PLS1: variants seen among roughly 807,000 people sequenced by gnomAD.
The protein encoded by PLS1 is plastin 1.
In PLS1, 32 loss-of-function variants were observed where a neutral mutation model predicts 73.7. That is an observed-to-expected ratio of 0.43 (90% CI 0.33 to 0.58). PLS1 has a LOEUF of 0.58. PLS1 is among the 20% of genes least tolerant of loss of function. The pLI is 0.04. For synonymous variants in PLS1, 217 were observed against 261.3 expected (o/e 0.83, Z 1.63); for missense variants, 633 against 740.5 (o/e 0.85, Z 1.68).
At chr3:142,697,438 CT>C (rs1436523140) in intron 11 of PLS1, among the ~76,000 whole-genome samples, 1 of 152,154 alleles carries the variant, frequency 6.6e-6, no homozygotes, top group Admixed American at 6.5e-5. Flanking sequence ...TCATACTCCC[CT>C]TTTCCTGACC....
At chr3:142,602,671 T>G (rs995019256) in intron 1 of PLS1, among the ~76,000 whole-genome samples, 4 of 151,708 alleles carry the variant, frequency 2.6e-5, no homozygotes, top group African/African-American at 7.3e-5. Context: ...TTGATGAACC[T>G]AATTACATAG....
chr3:142,678,447 A>G (rs2037771452), intron 6 of PLS1, among the ~76,000 whole-genome samples: 1 of 113,238 alleles, frequency 8.8e-6, no homozygotes, highest in Non-Finnish European at 1.7e-5. Context: ...AACAGTCCCC[A>G]GAGTGTGATG....
chr3:142,668,671 G>A (rs6774628), intron 2 of PLS1, among the ~76,000 whole-genome samples: 34 of 150,798 alleles, frequency 2.3e-4, no homozygotes, highest in African/African-American at 6.1e-4. Context: ...GCGCAATCTC[G>A]GCTCACTGCA....
Position 142,637,402 on chromosome 3 carries a change from A to G in PLS1, c.-36-26800A>G, listed in dbSNP as rs537914848. 3.3e-5 allele frequency among the ~76,000 whole-genome samples: 5 copies of G among 152,312 alleles called. No individual in the cohort carries two copies. The South Asian group carries it at 8.3e-4, about 25-fold the overall frequency. The stretch of plus-strand genomic sequence containing the variant: ...AGGAGGACGGGAAGGAGGGATTACC[A>G]AGGAGCATGAGGAATATTATAGGAA... On this transcript the variant is annotated intron_variant, in intron 1 of 15. Coordinates refer to ENST00000457734, the MANE Select transcript of PLS1 (RefSeq NM_001145319.2).
At chr3:142,673,699 A>G (rs2037659143) in intron 4 of PLS1, 1 of 152,568 alleles carries the variant, frequency 6.6e-6, no homozygotes, top group South Asian at 2.1e-4. Context: ...TTCCTCCCTC[A>G]GTGCTCCATG....
At chr3:142,643,197 A>G (rs1454860994) in intron 1 of PLS1, among the ~76,000 whole-genome samples, 1 of 152,158 alleles carries the variant, frequency 6.6e-6, no homozygotes, top group Non-Finnish European at 1.5e-5. Flanking sequence ...GGAGAAGGGG[A>G]GACTGGAGCC....
In PLS1 at chr3:142,713,164, C is replaced by T. The variant is rs1015475250; in HGVS notation, c.*1157C>T. The T allele has an allele frequency of 2.6e-5, 4 of 152,538 alleles. No individual in the cohort carries two copies. The highest frequency in any genetic ancestry group is 6.5e-5 in the Admixed American group (1 of 15,270). 9.4% of individuals were successfully genotyped at this position (152,538 alleles called of 1,614,324 possible). A position where few individuals can be genotyped will look rare whatever the true frequency, so the allele number is the denominator to read the frequency against. ...GTTAATGTTTGTATTACTTGGAAAT[C>T]GCTACAGCTTGGACTATTTTTTTCT... On this transcript the variant is annotated 3_prime_UTR_variant, in exon 16 of 16. Coordinates refer to ENST00000457734, the MANE Select transcript of PLS1 (RefSeq NM_001145319.2).
At position 142,713,099 on chromosome 3, in the gene PLS1, CAT is replaced by C. The variant is rs1252546350; in HGVS notation, c.*1095_*1096del. The C allele has an allele frequency of 1.3e-5, 2 of 152,412 alleles. No homozygotes were observed. The highest frequency in any genetic ancestry group is 6.5e-5 in the Admixed American group (1 of 15,268). The allele number at this position is 152,412 out of a possible 1,614,324, so 9.4% of individuals were successfully genotyped here. On this transcript the variant is annotated 3_prime_UTR_variant, in exon 16 of 16. Coordinates refer to ENST00000457734, the MANE Select transcript of PLS1 (RefSeq NM_001145319.2). Reference sequence around the variant, plus strand: ...GCTAGTATTCAATGTAGAGTATTTTCATATGTTTTTCACAGCCCGTTACAAAT... The same window carrying C: ...GCTAGTATTCAATGTAGAGTATTTTCATGTTTTTCACAGCCCGTTACAAAT...
intron 1 of PLS1, among the ~76,000 whole-genome samples, chr3:142,617,790 C>G (rs1195910784): frequency 2.0e-5 from 3 of 152,102 alleles, no homozygotes; most frequent in Non-Finnish European, 2.9e-5. Flanking sequence ...CAAGCCGATT[C>G]AATATGGTGA....
At chr3:142,691,127 C>G (rs2038076724) in intron 10 of PLS1, among the ~76,000 whole-genome samples, 1 of 151,954 alleles carries the variant, frequency 6.6e-6, no homozygotes. Flanking sequence ...CTGCCATAAC[C>G]AAAGTTCCAG....
chr3:142,670,957 T>G (rs2037592559), intron 3 of PLS1, 36 bp from the exon 4 acceptor site: 3 of 1,447,720 alleles, frequency 2.1e-6, no homozygotes, highest in Middle Eastern at 1.8e-4. Context: ...TTTTATTGAT[T>G]ATCTGATTCT....
chr3:142,609,101 T>A (rs1228478287), intron 1 of PLS1, among the ~76,000 whole-genome samples: 1 of 152,230 alleles, frequency 6.6e-6, no homozygotes, highest in Non-Finnish European at 1.5e-5. Flanking sequence ...GAGGAAGGTT[T>A]GGAAAATTTC....
Position 142,641,160 on chromosome 3 carries a change from A to T in PLS1, c.-36-23042A>T, listed in dbSNP as rs980239529. 2.5e-4 allele frequency among the ~76,000 whole-genome samples: 35 copies of T among 139,530 alleles called. 1 individual carries two copies. Among genetic ancestry groups the T allele is most frequent in the African/African-American group, 1.0e-3 (35 of 34,992 alleles). The allele number at this position is 139,530 out of a possible 152,430, so 91.5% of individuals were successfully genotyped here. On this transcript the variant is annotated intron_variant, in intron 1 of 15. Coordinates refer to ENST00000457734, the MANE Select transcript of PLS1 (RefSeq NM_001145319.2). Reference sequence around the variant, plus strand: ...TGGGTGACAGAGACCCAGAGTGATTATATATATATATATATTATATATATA... The same window carrying T: ...TGGGTGACAGAGACCCAGAGTGATTTTATATATATATATATTATATATATA...
At chr3:142,636,512 T>A (rs2036695065) in intron 1 of PLS1, among the ~76,000 whole-genome samples, 1 of 151,996 alleles carries the variant, frequency 6.6e-6, no homozygotes, top group Non-Finnish European at 1.5e-5. Context: ...TGACCTTGGG[T>A]TTGGTAAAAA....
chr3:142,611,634 T>A (rs890778651), intron 1 of PLS1, among the ~76,000 whole-genome samples: 3 of 152,068 alleles, frequency 2.0e-5, no homozygotes, highest in Admixed American at 1.3e-4. Context: ...CAAAATTTTT[T>A]AAAAATAGTA....
chr3:142,709,599 G>A (rs762372095), intron 14 of PLS1, among the ~76,000 whole-genome samples: 3 of 152,122 alleles, frequency 2.0e-5, no homozygotes, highest in Admixed American at 6.5e-5. Context: ...GGTGGATCAC[G>A]AGGTCAGGAG....
At chr3:142,620,189 ATC>A (rs2036288878) in intron 1 of PLS1, among the ~76,000 whole-genome samples, 1 of 151,584 alleles carries the variant, frequency 6.6e-6, no homozygotes, top group Non-Finnish European at 1.5e-5. Flanking sequence ...CAGTGGCACG[ATC>A]TCGGCTCACT....
rs1043508261 is a variant in PLS1, at chr3:142,641,255, C to A, written c.-36-22947C>A. Among the ~76,000 whole-genome samples, 12 of 142,664 alleles carry A rather than the reference C, an allele frequency of 8.4e-5. No homozygotes were observed. In the South Asian group the frequency reaches 8.7e-4, roughly 10 times the overall value. 93.6% of individuals were successfully genotyped at this position (142,664 alleles called of 152,430 possible). A position where few individuals can be genotyped will look rare whatever the true frequency, so the allele number is the denominator to read the frequency against. ...AATATCTATATATCTATATATCTCT[C>A]TATATATTATATGTATTATCTATAT... On this transcript the variant is annotated intron_variant, in intron 1 of 15. Coordinates refer to ENST00000457734, the MANE Select transcript of PLS1 (RefSeq NM_001145319.2).
At chr3:142,633,450 G>A (rs1430977310) in intron 1 of PLS1, among the ~76,000 whole-genome samples, 2 of 152,172 alleles carry the variant, frequency 1.3e-5, no homozygotes, top group East Asian at 3.8e-4. Context: ...GAGGTCAGGA[G>A]TTCGAGATCA....
Sources: allele counts gnomAD v4.1 joint callset (sites outside exome capture counted in the v4.1 genomes callset), GRCh38; gene constraint gnomAD v4.1.1; transcripts MANE v1.5; gene names NCBI Gene and HGNC (gene_info 2026-07-23, HGNC 2026-07-21).